RBFOX2: variants seen among roughly 807,000 people sequenced by gnomAD.
RBFOX2 encodes RNA binding protein fox-1 homolog 2.
A neutral mutation model predicts 49.1 loss-of-function variants in RBFOX2; 10 were observed. That is an observed-to-expected ratio of 0.20 (90% CI 0.13 to 0.35). The LOEUF (loss-of-function observed/expected upper bound fraction) is 0.35, where lower values mean the gene tolerates loss of function less well. Ranked by LOEUF, RBFOX2 falls within the 10% of genes least tolerant of loss-of-function variation. The pLI is 1.00. For synonymous variants in RBFOX2, 183 were observed against 187.4 expected (o/e 0.98, Z 0.19); for missense variants, 323 against 486.9 (o/e 0.66, Z 3.17).
intron 1 of RBFOX2, among the ~76,000 whole-genome samples, chr22:36,025,361 C>T (rs1028692021): frequency 6.6e-5 from 10 of 152,150 alleles, no homozygotes; most frequent in Admixed American, 3.9e-4. Flanking sequence ...AAAGCCCTTC[C>T]GTAACCATCT....
chr22:35,917,272 C>T (rs1272714958), intron 1 of RBFOX2, among the ~76,000 whole-genome samples: 1 of 152,106 alleles, frequency 6.6e-6, no homozygotes, highest in Admixed American at 6.5e-5. Flanking sequence ...GAACTACTAC[C>T]CAGCTTAAGT....
intron 1 of RBFOX2, among the ~76,000 whole-genome samples, chr22:35,922,424 C>G (rs1044168577): frequency 1.3e-5 from 2 of 151,540 alleles, no homozygotes; most frequent in Non-Finnish European, 2.9e-5. Context: ...ACTAAAAATA[C>G]AAAAATTAGC....
chr22:35,805,194 G>A (rs899434499), intron 2 of RBFOX2, among the ~76,000 whole-genome samples: 5 of 151,160 alleles, frequency 3.3e-5, no homozygotes, highest in African/African-American at 4.9e-5. Context: ...GGAGGCTGAG[G>A]CAGGAGAATG....
At chr22:35,897,576 C>G in intron 1 of RBFOX2, 1 of 941,066 alleles carries the variant, frequency 1.1e-6, no homozygotes, top group Non-Finnish European at 1.8e-6. Flanking sequence ...TGTACTTCAC[C>G]AGGTCAAAGA....
intron 1 of RBFOX2, among the ~76,000 whole-genome samples, chr22:35,979,076 G>C (rs2057335172): frequency 6.6e-6 from 1 of 152,156 alleles, no homozygotes; most frequent in Non-Finnish European, 1.5e-5. Flanking sequence ...TGGGATGCGG[G>C]GGACAGCATT....
intron 1 of RBFOX2, among the ~76,000 whole-genome samples, chr22:35,854,785 A>T (rs968055623): frequency 2.0e-5 from 3 of 152,120 alleles, no homozygotes; most frequent in Non-Finnish European, 2.9e-5. Context: ...CCTTTTACCC[A>T]TTTCTTTCTG....
chr22:35,918,308 T>C (rs1191425885), intron 1 of RBFOX2, among the ~76,000 whole-genome samples: 2 of 152,164 alleles, frequency 1.3e-5, no homozygotes, highest in African/African-American at 2.4e-5. Flanking sequence ...CTCTATTCCT[T>C]GGAGATTAAA....
intron 1 of RBFOX2, chr22:35,821,757 C>A: frequency 1.9e-6 from 1 of 518,766 alleles, no homozygotes; most frequent in Non-Finnish European, 3.8e-6. Flanking sequence ...CTCTGACCAC[C>A]CCCAAGCTTT....
intron 8 of RBFOX2, among the ~76,000 whole-genome samples, chr22:35,760,287 T>G (rs373383700): frequency 5.9e-5 from 9 of 152,264 alleles, no homozygotes; most frequent in South Asian, 4.2e-4. Flanking sequence ...CCTTCTCAAT[T>G]TCAGCTTTAC....
intron 1 of RBFOX2, among the ~76,000 whole-genome samples, chr22:35,981,802 G>C (rs1214559431): frequency 6.6e-6 from 1 of 152,088 alleles, no homozygotes; most frequent in Non-Finnish European, 1.5e-5. Flanking sequence ...CACAAAATTA[G>C]TCATTTTCCC....
At chr22:35,746,072 A>T in intron 10 of RBFOX2, 77 bp from the exon 13 acceptor site, 1 of 1,280,426 alleles carries the variant, frequency 7.8e-7, no homozygotes, top group Non-Finnish European at 1.1e-6. Context: ...ACTGTGCTTT[A>T]AGACTTGTGA....
At chr22:35,796,131 G>A (rs1447673026) in intron 2 of RBFOX2, among the ~76,000 whole-genome samples, 1 of 152,100 alleles carries the variant, frequency 6.6e-6, no homozygotes, top group Non-Finnish European at 1.5e-5. Context: ...GATCCACTGT[G>A]CCTGGCCTAC....
At chr22:35,812,342 A>G (rs902426940) in intron 1 of RBFOX2, among the ~76,000 whole-genome samples, 1 of 151,822 alleles carries the variant, frequency 6.6e-6, no homozygotes, top group African/African-American at 2.4e-5. Flanking sequence ...TTTTTTTGGA[A>G]AAAGTCTATC....
At chr22:35,895,457 C>T (rs1191611309) in intron 1 of RBFOX2, among the ~76,000 whole-genome samples, 1 of 152,204 alleles carries the variant, frequency 6.6e-6, no homozygotes, top group East Asian at 1.9e-4. Context: ...GCCCACATTC[C>T]TTTCTCACAA....
At chr22:35,937,004 C>T (rs188961632) in intron 1 of RBFOX2, among the ~76,000 whole-genome samples, 11 of 152,302 alleles carry the variant, frequency 7.2e-5, no homozygotes, top group African/African-American at 2.4e-4. Context: ...AGACTAACCA[C>T]GACCCCTTTA....
At chr22:35,825,378 A>C (rs1977703239) in intron 1 of RBFOX2, among the ~76,000 whole-genome samples, 1 of 152,096 alleles carries the variant, frequency 6.6e-6, no homozygotes, top group African/African-American at 2.4e-5. Context: ...TATGTAAAGA[A>C]AAAGTTAACT....
intron 6 of RBFOX2, among the ~76,000 whole-genome samples, chr22:35,762,614 T>G (rs1568975541): frequency 6.6e-6 from 1 of 151,030 alleles, no homozygotes; most frequent in African/African-American, 2.4e-5. Context: ...CAAGTGATTC[T>G]CATGCCTCAG....
chr22:35,951,326 A>C (rs1226362050), intron 1 of RBFOX2, among the ~76,000 whole-genome samples: 2 of 137,678 alleles, frequency 1.5e-5, no homozygotes, highest in Admixed American at 7.6e-5. Context: ...GCTCACTGCA[A>C]CCTCCACCTT....
chr22:35,888,031 C>T (rs2046804474), intron 1 of RBFOX2, among the ~76,000 whole-genome samples: 1 of 152,232 alleles, frequency 6.6e-6, no homozygotes, highest in East Asian at 1.9e-4. Context: ...ATCCTATGGC[C>T]TCATACTACA....
Sources: gnomAD v4.1 joint callset for allele counts (sites outside exome capture counted in the v4.1 genomes callset) on GRCh38, gnomAD v4.1.1 for gene constraint, MANE v1.5 for transcripts, NCBI Gene and HGNC (gene_info 2026-07-23, HGNC 2026-07-21) for gene names.